The following AP2A1 variants were observed in gnomAD, a reference collection of about 807,000 sequenced individuals.
AP2A1 encodes the protein AP-2 complex subunit alpha-1.
A neutral mutation model predicts 107.3 loss-of-function variants in AP2A1; 21 were observed. The ratio of observed to expected loss-of-function variants is 0.20; its 90% confidence interval spans 0.14 to 0.28. The LOEUF (loss-of-function observed/expected upper bound fraction) is 0.28, where lower values mean the gene tolerates loss of function less well. Ranked by LOEUF, AP2A1 falls within the 10% of genes least tolerant of loss-of-function variation. The pLI is 1.00. For missense variants in AP2A1, 873 were observed against 1,307.7 expected (o/e 0.67, Z 5.13); for synonymous variants, 602 against 564.8 (o/e 1.07, Z -0.93).
Position 49,803,118 on chromosome 19 carries a change from A to G in AP2A1, c.2183A>G (p.Lys728Arg), listed in dbSNP as rs1212141967. ...CCCTGCCCCCTCAGGTTTGTGTGTA[A>G]GAACAACGGGGTCCTGTTCGAGAAC... ...ADELLNKFVCKNNGVLFENQL... is the reference protein window; with the variant it reads ...ADELLNKFVCRNNGVLFENQL... Residue 728 changes from lysine (K) to arginine (R), a missense_variant, in exon 17 of 23, where the codon AAG becomes AGG. Coordinates refer to ENST00000354293, the MANE Select transcript of AP2A1 (RefSeq NM_130787.3). The G allele has an allele frequency of 6.2e-7, 1 of 1,613,996 alleles. No homozygotes were observed. The highest frequency in any genetic ancestry group is 2.2e-5 in the East Asian group (1 of 44,882).
At chr19:49,800,401 T>C (rs2073263546) in intron 11 of AP2A1, among the ~76,000 whole-genome samples, 2 of 152,226 alleles carry the variant, frequency 1.3e-5, no homozygotes, top group South Asian at 4.1e-4. Context: ...CCCCCGGATC[T>C]CGGTAGTTTC....
chr19:49,772,078 G>A (rs1286407478), intron 1 of AP2A1, among the ~76,000 whole-genome samples: 2 of 151,552 alleles, frequency 1.3e-5, no homozygotes, highest in Non-Finnish European at 2.9e-5. Flanking sequence ...TCTTTTTTTT[G>A]ACAGAGTCTG....
intron 8 of AP2A1, 114 bp downstream of exon 8, chr19:49,799,066 TAGG>T (rs2073245233): frequency 1.4e-6 from 2 of 1,406,672 alleles, no homozygotes; most frequent in Non-Finnish European, 1.9e-6. Flanking sequence ...TTAGGTAGGG[TAGG>T]AGGAGGATGG....
chr19:49,777,076 G>GAAAAAA (rs563994455), intron 1 of AP2A1, among the ~76,000 whole-genome samples: 1 of 138,952 alleles, frequency 7.2e-6, no homozygotes. Flanking sequence ...TAAAAATGCG[G>GAAAAAA]AAAAAAAAAA....
intron 7 of AP2A1, among the ~76,000 whole-genome samples, chr19:49,798,416 G>A (rs2073237804): frequency 6.6e-6 from 1 of 152,144 alleles, no homozygotes; most frequent in Non-Finnish European, 1.5e-5. Flanking sequence ...CCAGTCCTTG[G>A]GAAGGCCTGG....
At position 49,792,061 on chromosome 19, in the gene AP2A1, C is replaced by G. The variant is rs370723855; in HGVS notation, c.600C>G (p.His200Gln). ...ARVVHLLNDQ[H>Q]MGVVTAAVSL... ...TGGTACACCTGCTCAATGACCAGCA[C>G]ATGGTGAGCCCCCAGCCCTCACACC... Residue 200 changes from histidine (H) to glutamine (Q), a missense_variant, in exon 5 of 23, where the codon CAC becomes CAG. His to Gln is a conservative substitution (Grantham distance 24). Coordinates refer to ENST00000354293, the MANE Select transcript of AP2A1 (RefSeq NM_130787.3). The G allele has an allele frequency of 6.2e-7, 1 of 1,611,840 alleles. No individual in the cohort carries two copies.
At chr19:49,796,597 G>C (rs754581061) in intron 7 of AP2A1, 2 of 152,300 alleles carry the variant, frequency 1.3e-5, no homozygotes, top group Non-Finnish European at 2.9e-5. Flanking sequence ...GCCTGCATGC[G>C]TGCATGCGTT....
Position 49,801,862 on chromosome 19 carries a change from G to T in AP2A1, c.1926G>T (p.Gly642=). ...ACCCCAGCAGCAACGACATCAACGG[G>T]GGCATGGAGCCCACCCCCAGCACTG... ...RRDPSSNDIN[G]GMEPTPSTVS... Residue 642 remains glycine, a synonymous_variant, in exon 14 of 23, where the codon GGG becomes GGT. Coordinates refer to ENST00000354293, the MANE Select transcript of AP2A1 (RefSeq NM_130787.3). 6.7e-7 allele frequency: 1 copy of T among 1,502,368 alleles called. No homozygotes were observed. 93.1% of individuals were successfully genotyped at this position (1,502,368 alleles called of 1,614,324 possible).
intron 21 of AP2A1, 78 bp downstream of exon 21, chr19:49,806,019 G>A: frequency 6.2e-7 from 1 of 1,611,278 alleles, no homozygotes; most frequent in Non-Finnish European, 8.5e-7. Context: ...CTGTAAAGTG[G>A]GGCCAATTCC....
At position 49,806,509 on chromosome 19, in the gene AP2A1, T is replaced by A. The variant is rs541363610; in HGVS notation, c.2791-172T>A. On this transcript the variant is annotated intron_variant, in intron 22 of 22. Coordinates refer to ENST00000354293, the MANE Select transcript of AP2A1 (RefSeq NM_130787.3). ...CTTTCCACCTTTCTCTCATCTTTTA[T>A]AATTTTCTTCCTCTCTGGCGCCTCT... The A allele has an allele frequency of 1.4e-4, 209 of 1,448,672 alleles. No individual in the cohort carries two copies. In the African/African-American group the frequency reaches 2.8e-3, roughly 20 times the overall value. 89.7% of individuals were successfully genotyped at this position (1,448,672 alleles called of 1,614,324 possible). A position where few individuals can be genotyped will look rare whatever the true frequency, so the allele number is the denominator to read the frequency against.
In AP2A1 at chr19:49,767,109, G is replaced by T. The variant is rs1600209302; in HGVS notation, c.-25G>T. ...GCTGCTCTGTGCCCTGTCCGGCCAG[G>T]CCTGGAGCCGACACCACCGCCATCA... On this transcript the variant is annotated 5_prime_UTR_variant, in exon 1 of 23. Coordinates refer to ENST00000354293, the MANE Select transcript of AP2A1 (RefSeq NM_130787.3). 5.0e-6 allele frequency: 8 copies of T among 1,609,536 alleles called. No homozygotes were observed. The highest frequency in any genetic ancestry group is 1.1e-5 in the South Asian group (1 of 90,954).
intron 1 of AP2A1, among the ~76,000 whole-genome samples, chr19:49,771,189 A>G (rs1208691790): frequency 6.6e-6 from 1 of 151,390 alleles, no homozygotes; most frequent in Non-Finnish European, 1.5e-5. Context: ...AAAAGCCTAC[A>G]GCTGGACACG....
In AP2A1 at chr19:49,782,107, G is replaced by A. The variant is rs1385718475; in HGVS notation, c.279+18G>A. On this transcript the variant is annotated intron_variant, in intron 3 of 22. Transcript: ENST00000354293. ...AGCAAATAGTGAGTCTGGAGAGGGG[G>A]GTGCCAGGGCCTGGACTCCTGGGTC... 1 of 1,545,704 alleles carries A rather than the reference G, an allele frequency of 6.5e-7. No homozygotes were observed. Among genetic ancestry groups the A allele is most frequent in the African/African-American group, 1.4e-5 (1 of 72,228 alleles).
In AP2A1 at chr19:49,782,599, C is replaced by G; in HGVS notation, c.348C>G (p.Ile116Met). 1 of 1,613,914 alleles carries G rather than the reference C, an allele frequency of 6.2e-7. No individual in the cohort carries two copies. Among genetic ancestry groups the G allele is most frequent in the Non-Finnish European group, 8.5e-7 (1 of 1,179,844 alleles). The change falls in exon 4 of 23, where the codon ATC (isoleucine) becomes ATG (methionine). Residue 116 changes from isoleucine (I) to methionine (M), a missense_variant. By Grantham distance (10) the Ile-to-Met change is conservative. Around this residue, in one of 4 missense-constraint regions of AP2A1, gnomAD observed 87 missense variants for 178.2 expected, o/e 0.49. Transcript: ENST00000354293. ...SELIRLINNA[I>M]KNDLASRNPT... ...TGATCCGCCTCATCAACAACGCCAT[C>G]AAGAATGACCTGGCCAGCCGCAACC...
Position 49,807,011 on chromosome 19 carries a change from G to A in AP2A1, c.*253G>A, listed in dbSNP as rs755657628. 18 of 1,520,644 alleles carry A rather than the reference G, an allele frequency of 1.2e-5. No homozygotes were observed. In the East Asian group the frequency reaches 3.7e-4, roughly 32 times the overall value. 94.2% of individuals were successfully genotyped at this position (1,520,644 alleles called of 1,614,324 possible). A position where few individuals can be genotyped will look rare whatever the true frequency, so the allele number is the denominator to read the frequency against. ...AGAGGGGAGAGGGGCCAGGGAAGTG[G>A]ATGTCTCCTCCCCTCCCACCCCACC... On this transcript the variant is annotated 3_prime_UTR_variant, in exon 23 of 23. Transcript: ENST00000354293.
chr19:49,798,922 AG>A lies in AP2A1; in HGVS notation c.936del (p.Thr313ProfsTer114). 6.4e-7 allele frequency: 1 copy of A among 1,555,094 alleles called. No individual in the cohort carries two copies. The highest frequency in any genetic ancestry group is 8.7e-7 in the Non-Finnish European group (1 of 1,149,034). On this transcript the variant is annotated frameshift_variant, in exon 8 of 23. Coordinates refer to ENST00000354293, the MANE Select transcript of AP2A1 (RefSeq NM_130787.3). LOFTEE classifies it high-confidence loss of function. ...AACGCCAAGAACGCCATCCTCTTCG[AG>A]ACCATCAGCCTCATCATCCACTATG... is the stretch of plus-strand genomic sequence containing the variant. The part of the protein sequence containing the change: ...HSNAKNAILF[E>X]TISLIIHYDS...
chr19:49,806,776 G>A lies in AP2A1; in HGVS notation c.*18G>A, dbSNP rs776828520. The A allele has an allele frequency of 6.8e-6, 11 of 1,613,386 alleles. No homozygotes were observed. The highest frequency in any genetic ancestry group is 6.7e-5 in the Admixed American group (4 of 59,978). ...AGTTCTGAGCCCTGGACTCTGCCCC[G>A]GGGGATGTGGCCGGCACTGGGCAGC... On this transcript the variant is annotated 3_prime_UTR_variant, in exon 23 of 23. Transcript: ENST00000354293.
In AP2A1 at chr19:49,802,276, G is replaced by T. The variant is rs1391280869; in HGVS notation, c.2114+135G>T. Reference sequence around the variant, plus strand: ...TCTCTCCATCCTGATGCCTTCGCCAGCCCTGGCTGCTGCCTCCCCTGCCCC... The same window carrying T: ...TCTCTCCATCCTGATGCCTTCGCCATCCCTGGCTGCTGCCTCCCCTGCCCC... On this transcript the variant is annotated intron_variant, in intron 15 of 22. Transcript: ENST00000354293. The T allele has an allele frequency of 4.5e-5, 38 of 852,934 alleles. 1 individual carries two copies. The highest frequency in any genetic ancestry group is 1.6e-4 in the East Asian group (6 of 37,650). 52.8% of individuals were successfully genotyped at this position (852,934 alleles called of 1,614,324 possible).
At chr19:49,804,861 G>C (rs564359476) in intron 18 of AP2A1, 2 of 152,230 alleles carry the variant, frequency 1.3e-5, no homozygotes, top group African/African-American at 4.8e-5. Flanking sequence ...GATTACAGGC[G>C]TGAGCCGCCA....
Sources: gnomAD v4.1 joint callset for allele counts (sites outside exome capture counted in the v4.1 genomes callset) on GRCh38, gnomAD v4.1.1 for gene constraint, gnomAD v4.1.1 regional missense constraint, MANE v1.5 for transcripts, NCBI Gene and HGNC (gene_info 2026-07-23, HGNC 2026-07-21) for gene names.